Variants in NAP1L4 observed in about 807,000 individuals in gnomAD.
The protein encoded by NAP1L4 is nucleosome assembly protein 1-like 4.
A neutral mutation model predicts 58.2 loss-of-function variants in NAP1L4; 15 were observed. The ratio of observed to expected loss-of-function variants is 0.26; its 90% CI spans 0.17 to 0.40. The LOEUF (loss-of-function observed/expected upper bound fraction) is 0.40, where lower values mean the gene tolerates loss of function less well. Ranked by LOEUF, NAP1L4 falls within the 10% of genes least tolerant of loss-of-function variation. The pLI is 1.00. For synonymous variants in NAP1L4, 171 were observed against 155.6 expected (o/e 1.10, Z -0.74); for missense variants, 384 against 451.1 (o/e 0.85, Z 1.35).
chr11:2,972,651 T>C (rs940007892), intron 4 of NAP1L4, among the ~76,000 whole-genome samples: 1 of 152,200 alleles, frequency 6.6e-6, no homozygotes, highest in African/African-American at 2.4e-5. Context: ...AAAATGTTCT[T>C]TGGACCCAGT....
chr11:2,980,241 G>A (rs541487257), intron 1 of NAP1L4, among the ~76,000 whole-genome samples: 2 of 152,312 alleles, frequency 1.3e-5, no homozygotes, highest in South Asian at 2.1e-4. Context: ...AGGCTGCAGT[G>A]TAGTGATGCA....
Position 2,958,537 on chromosome 11 carries a change from T to C in NAP1L4, c.754A>G (p.Ile252Val), listed in dbSNP as rs191946473. 41 of 1,613,654 alleles carry C rather than the reference T, an allele frequency of 2.5e-5. No individual in the cohort carries two copies. In the Admixed American group the frequency reaches 5.7e-4, roughly 22 times the overall value. Residue 252 changes from isoleucine to valine, a missense_variant, in exon 10 of 16, where the codon ATT (isoleucine) becomes GTT (valine). Physicochemically the swap from Ile to Val is conservative, Grantham distance 29. Coordinates refer to ENST00000380542, the MANE Select transcript of NAP1L4 (RefSeq NM_005969.4). ...ACATTCTTTCCTTTCTTCCAGTCAATAGTACACCTACCAGGACAAGACAGC... is the reference window on the plus strand; with the variant it reads ...ACATTCTTTCCTTTCTTCCAGTCAACAGTACACCTACCAGGACAAGACAGC... Reference protein sequence around the residue: ...PEIVDCDGCTIDWKKGKNVTV... With the variant: ...PEIVDCDGCTVDWKKGKNVTV...
In NAP1L4 at chr11:2,954,577, G is replaced by A. The variant is rs1356294025; in HGVS notation, c.985C>T (p.Pro329Ser). 3 of 1,613,996 alleles carry A rather than the reference G, an allele frequency of 1.9e-6. No homozygotes were observed. The Admixed American group carries it at 5.0e-5, about 27-fold the overall frequency. The change falls in exon 12 of 16, where the codon CCG becomes TCG. Residue 329 changes from proline to serine, a missense_variant. Physicochemically the swap from Pro to Ser is moderately conservative, Grantham distance 74 (BLOSUM62 -1). Transcript: ENST00000380542. The surrounding 1 kb of genome is among the most constrained non-coding windows in gnomAD (Gnocchi z 4.8). ...IGHFFRERIV[P>S]RAVLYFTGEA... ...CCAGTGAAGTACAGCACAGCCCGCG[G>A]GACTATCCGCTCACGGAAAAAGTGT... is the stretch of plus-strand genomic sequence containing the variant.
chr11:2,990,519 G>C (rs769410112), intron 1 of NAP1L4: 2 of 152,192 alleles, frequency 1.3e-5, no homozygotes, highest in Non-Finnish European at 2.9e-5. Flanking sequence ...TTGGCATTCT[G>C]TGGAATAAGA....
At position 2,955,789 on chromosome 11, in the gene NAP1L4, A is replaced by T; in HGVS notation, c.893-23T>A. 3.7e-6 allele frequency: 6 copies of T among 1,610,228 alleles called. No individual in the cohort carries two copies. The highest frequency in any genetic ancestry group is 5.1e-6 in the Non-Finnish European group (6 of 1,177,400). ...ATGCTAGAAAAAGAAAAGACAAAAC[A>T]TATTTAAATTACAGTGACAACTCCC... On this transcript the variant is annotated intron_variant, in intron 10 of 15. Transcript: ENST00000380542. The surrounding 1 kb of genome is among the most constrained non-coding windows in gnomAD (Gnocchi z 4.2).
At chr11:2,956,752 C>A (rs1846568238) in intron 10 of NAP1L4, among the ~76,000 whole-genome samples, 1 of 152,254 alleles carries the variant, frequency 6.6e-6, no homozygotes, top group Admixed American at 6.5e-5. Context: ...AGTACAAGGA[C>A]TCTGAACACT....
chr11:2,968,552 T>C (rs1847428197), intron 7 of NAP1L4, among the ~76,000 whole-genome samples: 1 of 152,228 alleles, frequency 6.6e-6, no homozygotes, highest in Non-Finnish European at 1.5e-5. Flanking sequence ...TTCTCAAGTT[T>C]TGGCTTAGGA....
rs778773226 is a variant in NAP1L4 at position 2,958,539 on chromosome 11, G to A, written c.752C>T (p.Thr251Ile). Residue 251 changes from threonine (T) to isoleucine (I), a missense_variant, in exon 10 of 16, where the codon ACT (threonine) becomes ATT (isoleucine). Transcript: ENST00000380542. ...GPEIVDCDGC[T>I]IDWKKGKNVT... ...ATTCTTTCCTTTCTTCCAGTCAATAGTACACCTACCAGGACAAGACAGCTG... is the reference window on the plus strand; with the variant it reads ...ATTCTTTCCTTTCTTCCAGTCAATAATACACCTACCAGGACAAGACAGCTG... The A allele has an allele frequency of 6.2e-7, 1 of 1,613,492 alleles. No individual in the cohort carries two copies.
chr11:2,947,617 C>T (rs1256099851), intron 15 of NAP1L4, among the ~76,000 whole-genome samples: 1 of 149,200 alleles, frequency 6.7e-6, no homozygotes, highest in African/African-American at 2.5e-5. Flanking sequence ...TGACACATGC[C>T]GAAAAAAAAA....
At chr11:2,983,260 CAA>C (rs1478882466) in intron 1 of NAP1L4, among the ~76,000 whole-genome samples, 4 of 152,128 alleles carry the variant, frequency 2.6e-5, no homozygotes, top group African/African-American at 9.7e-5. Context: ...GGACATGAGC[CAA>C]AGAGGTTCAC....
rs894299214 is a variant in NAP1L4, at chr11:2,963,697, A to G, written c.606+983T>C. 2.0e-5 allele frequency: 10 copies of G among 512,526 alleles called. 1 individual carries two copies. The highest frequency in any genetic ancestry group is 1.9e-4 in the African/African-American group (10 of 51,986). 31.7% of individuals were successfully genotyped at this position (512,526 alleles called of 1,614,324 possible). A position where few individuals can be genotyped will look rare whatever the true frequency, so the allele number is the denominator to read the frequency against. On this transcript the variant is annotated intron_variant, in intron 8 of 15. Transcript: ENST00000380542. ...TGCTGAGATGGGGAGGAAGGAAGAT[A>G]CTGGTGACTGGCCCCAGGCCCCTAC...
intron 10 of NAP1L4, among the ~76,000 whole-genome samples, chr11:2,956,576 G>C (rs1198687929): frequency 1.3e-5 from 2 of 152,212 alleles, no homozygotes; most frequent in African/African-American, 4.8e-5. Context: ...TTGCTGCTGA[G>C]ACATGAATGT....
At chr11:2,965,545 C>T (rs898332507) in intron 7 of NAP1L4, among the ~76,000 whole-genome samples, 2 of 152,162 alleles carry the variant, frequency 1.3e-5, no homozygotes, top group Admixed American at 6.5e-5. Flanking sequence ...ACAATACACA[C>T]AGTCACTTCT....
intron 8 of NAP1L4, chr11:2,964,025 T>C (rs748810828): frequency 2.3e-5 from 10 of 428,668 alleles, no homozygotes; most frequent in Admixed American, 1.0e-4. Flanking sequence ...TCCATGCCAC[T>C]AACATTACTA....
rs1444553882 is a variant in NAP1L4 at position 2,976,043 on chromosome 11, G to C, written c.154C>G (p.Pro52Ala). The C allele has an allele frequency of 7.4e-6, 12 of 1,613,810 alleles. No individual in the cohort carries two copies. Among genetic ancestry groups the C allele is most frequent in the Non-Finnish European group, 8.5e-6 (10 of 1,179,886 alleles). Residue 52 changes from proline to alanine, a missense_variant, in exon 4 of 16, where the codon CCT becomes GCT. By Grantham distance (27) the Pro-to-Ala change is conservative (BLOSUM62 -1). This residue lies in a region of NAP1L4 where 84 missense variants were observed against 73.7 expected (regional missense o/e 1.14). Transcript: ENST00000380542. ...ACTTACGTTTCGATGTAGCTGGAAG[G>C]GGTGTGAGGGACATTGTCAAGTCGC... ...QERLDNVPHT[P>A]SSYIETLPKA...
At chr11:2,982,580 A>T (rs1369353666) in intron 1 of NAP1L4, among the ~76,000 whole-genome samples, 1 of 152,242 alleles carries the variant, frequency 6.6e-6, no homozygotes, top group African/African-American at 2.4e-5. Context: ...ACACGAAAAG[A>T]AGCTGAGGCT....
chr11:2,969,286 A>T (rs564760553), intron 7 of NAP1L4, among the ~76,000 whole-genome samples: 37 of 151,650 alleles, frequency 2.4e-4, no homozygotes, highest in Admixed American at 1.3e-3. Flanking sequence ...CTCTTTTTTT[A>T]AAAAAAATAG....
At chr11:2,969,671 G>T in intron 7 of NAP1L4, 132 bp downstream of exon 7, 1 of 926,938 alleles carries the variant, frequency 1.1e-6, no homozygotes, top group Non-Finnish European at 1.5e-6. Flanking sequence ...CTGAGGTCCT[G>T]GTCAGAGAAA....
At chr11:2,952,119 C>G in intron 12 of NAP1L4, 1 of 434,704 alleles carries the variant, frequency 2.3e-6, no homozygotes, top group Non-Finnish European at 4.1e-6. Context: ...CACCGAGGAG[C>G]AGGCACACAG....
Sources: allele counts gnomAD v4.1 joint callset (sites outside exome capture counted in the v4.1 genomes callset), GRCh38; gene constraint gnomAD v4.1.1; regional missense constraint gnomAD v4.1.1; non-coding constraint Gnocchi (gnomAD v3.1); transcripts MANE v1.5; gene names NCBI Gene and HGNC (gene_info 2026-07-23, HGNC 2026-07-21).